Variants in GRB14 observed in about 807,000 individuals in gnomAD.
The protein encoded by GRB14 is growth factor receptor bound protein 14, also known as growth factor receptor-bound protein 14.
Under a neutral mutation model 69.1 loss-of-function variants are expected in GRB14, and 38 were observed. The ratio of observed to expected loss-of-function variants is 0.55; its 90% confidence interval spans 0.42 to 0.72. GRB14 has a LOEUF of 0.72. GRB14 is among the 30% of genes least tolerant of loss of function. The probability of loss-of-function intolerance (pLI) is 0.00; values close to 1 mark genes in which losing one functional copy is unlikely to be tolerated. For synonymous variants in GRB14, 247 were observed against 241.3 expected, an observed-to-expected ratio of 1.02 and a Z score of -0.22; for missense variants, 666 against 666.1, an observed-to-expected ratio of 1.00 and a Z score of 0.00.
intron 2 of GRB14, among the ~76,000 whole-genome samples, chr2:164,594,211 T>C (rs956635236): frequency 6.6e-6 from 1 of 152,000 alleles, no homozygotes. Flanking sequence ...ATGAAAACCC[T>C]CTGCTCAACA....
At position 164,505,204 on chromosome 2, in the gene GRB14, G is replaced by A. The variant is rs1687158503; in HGVS notation, c.1024-2869C>T. Among the ~76,000 whole-genome samples the A allele has an allele frequency of 2.0e-5, 3 of 152,116 alleles. No individual in the cohort carries two copies. The South Asian group carries it at 6.2e-4, about 32-fold the overall frequency. ...CAACACAATGACGCATCTTTGAACT[G>A]GGAATCTGATTGAAAGATGCCTTAA... is the stretch of plus-strand genomic sequence containing the variant. On this transcript the variant is annotated intron_variant, in intron 8 of 13. Coordinates refer to ENST00000263915, the MANE Select transcript of GRB14 (RefSeq NM_004490.3).
chr2:164,582,601 A>T (rs1417251948), intron 2 of GRB14, among the ~76,000 whole-genome samples: 1 of 151,854 alleles, frequency 6.6e-6, no homozygotes, highest in East Asian at 1.9e-4. Context: ...TCGTATTTTT[A>T]GTAGAGACGG....
intron 8 of GRB14, 95 bp from the exon 9 acceptor site, chr2:164,502,430 TA>T: frequency 1.3e-6 from 1 of 741,820 alleles, no homozygotes; most frequent in Non-Finnish European, 2.2e-6. Context: ...AATATAAATA[TA>T]AAAACAATTA....
chr2:164,583,098 A>G (rs925228789), intron 2 of GRB14, among the ~76,000 whole-genome samples: 1 of 152,222 alleles, frequency 6.6e-6, no homozygotes, highest in Non-Finnish European at 1.5e-5. Context: ...ACAGTTAATC[A>G]GGAACAAAAT....
intron 2 of GRB14, among the ~76,000 whole-genome samples, chr2:164,608,160 T>C (rs560074311): frequency 5.3e-5 from 8 of 152,146 alleles, no homozygotes; most frequent in African/African-American, 1.9e-4. Flanking sequence ...TCAACTGAGG[T>C]CAGGAGTTCA....
intron 2 of GRB14, among the ~76,000 whole-genome samples, chr2:164,570,382 A>G (rs1013267198): frequency 2.0e-5 from 3 of 152,102 alleles, no homozygotes; most frequent in Non-Finnish European, 4.4e-5. Flanking sequence ...CAAGCAAAGT[A>G]CTATTTGCCA....
intron 2 of GRB14, among the ~76,000 whole-genome samples, chr2:164,564,239 G>T (rs997096039): frequency 6.6e-6 from 1 of 152,166 alleles, no homozygotes; most frequent in African/African-American, 2.4e-5. Context: ...TTTAAAAGCC[G>T]TTTGAAGCCC....
At chr2:164,516,549 A>C (rs1302531590) in intron 6 of GRB14, among the ~76,000 whole-genome samples, 2 of 152,128 alleles carry the variant, frequency 1.3e-5, no homozygotes, top group Non-Finnish European at 2.9e-5. Context: ...GAAACACTAC[A>C]GGCTAGAAGG....
At chr2:164,616,061 A>G (rs1298495955) in intron 2 of GRB14, among the ~76,000 whole-genome samples, 1 of 152,216 alleles carries the variant, frequency 6.6e-6, no homozygotes, top group Non-Finnish European at 1.5e-5. Context: ...AATTTGCTTT[A>G]TTAGTAAACA....
At chr2:164,511,875 G>T (rs1488530860) in intron 6 of GRB14, among the ~76,000 whole-genome samples, 1 of 152,146 alleles carries the variant, frequency 6.6e-6, no homozygotes, top group Non-Finnish European at 1.5e-5. Flanking sequence ...GACATTTCTG[G>T]ACATGCTCTG....
chr2:164,589,064 AT>A (rs1206913458), intron 2 of GRB14, among the ~76,000 whole-genome samples: 1 of 152,224 alleles, frequency 6.6e-6, no homozygotes, highest in South Asian at 2.1e-4. Flanking sequence ...GTAGGATTGT[AT>A]TTTTTGTAGG....
chr2:164,594,922 A>G (rs1689748973), intron 2 of GRB14, among the ~76,000 whole-genome samples: 1 of 152,214 alleles, frequency 6.6e-6, no homozygotes, highest in Non-Finnish European at 1.5e-5. Flanking sequence ...TGTTTCTGCC[A>G]TAACTCAGCT....
chr2:164,540,216 A>G (rs1047771051), intron 3 of GRB14, among the ~76,000 whole-genome samples: 2 of 152,200 alleles, frequency 1.3e-5, no homozygotes, highest in Non-Finnish European at 2.9e-5. Context: ...CCCTCTGTCT[A>G]GAACAATCTT....
At chr2:164,611,501 A>G (rs900155729) in intron 2 of GRB14, among the ~76,000 whole-genome samples, 2 of 151,830 alleles carry the variant, frequency 1.3e-5, no homozygotes, top group African/African-American at 4.8e-5. Flanking sequence ...GAGAAAGATA[A>G]ATTTAGAGAA....
chr2:164,619,753 G>C lies in GRB14; in HGVS notation c.258C>G (p.Cys86Trp), dbSNP rs753647388. 1.2e-6 allele frequency: 2 copies of C among 1,608,080 alleles called. No individual in the cohort carries two copies. Among genetic ancestry groups the C allele is most frequent in the East Asian group, 2.2e-5 (1 of 44,850 alleles). The change falls in exon 2 of 14, where the codon TGC becomes TGG. Residue 86 changes from cysteine (C) to tryptophan (W), a missense_variant. By Grantham distance (215) the Cys-to-Trp change is radical (BLOSUM62 -2). Transcript: ENST00000263915. ...PSIPNPFPEL[C>W]CSPFTSVLSA... Reference sequence around the variant, plus strand: ...ACAACACAGATGTAAATGGAGAACAGCATAGCTCAGGAAAAGGGTTTGGAA... The same window carrying C: ...ACAACACAGATGTAAATGGAGAACACCATAGCTCAGGAAAAGGGTTTGGAA...
chr2:164,549,637 C>T (rs531122110), intron 2 of GRB14, among the ~76,000 whole-genome samples: 175 of 152,044 alleles, frequency 1.2e-3, no homozygotes, highest in African/African-American at 3.9e-3. Flanking sequence ...TTTAGGCAGG[C>T]GGATCACATG....
rs148988054 is a variant in GRB14 at position 164,543,186 on chromosome 2, A to T, written c.481+4474T>A. On this transcript the variant is annotated intron_variant, in intron 3 of 13. Transcript: ENST00000263915. ...TGTGGTGCCATGTGCCTGTAATCCC[A>T]GCTACTCTGAAGGCTGATGCACAAG... is the stretch of plus-strand genomic sequence containing the variant. Among the ~76,000 whole-genome samples, 498 of 152,156 alleles carry T rather than the reference A, an allele frequency of 3.3e-3. 4 individuals are homozygous for T. The highest frequency in any genetic ancestry group is 0.011 in the African/African-American group (472 of 41,494).
chr2:164,561,832 T>C (rs1280080249), intron 2 of GRB14, among the ~76,000 whole-genome samples: 1 of 152,196 alleles, frequency 6.6e-6, no homozygotes, highest in Non-Finnish European at 1.5e-5. Flanking sequence ...TGCTATTTTT[T>C]ATTGTTCTTT....
At chr2:164,558,312 T>C (rs1349195305) in intron 2 of GRB14, among the ~76,000 whole-genome samples, 2 of 152,330 alleles carry the variant, frequency 1.3e-5, no homozygotes, top group African/African-American at 4.8e-5. Flanking sequence ...GCCCTTTCAG[T>C]TGGCTCTGTT....
Sources: allele counts gnomAD v4.1 joint callset (sites outside exome capture counted in the v4.1 genomes callset), GRCh38; gene constraint gnomAD v4.1.1; transcripts MANE v1.5; gene names NCBI Gene and HGNC (gene_info 2026-07-23, HGNC 2026-07-21).